Variants in PHIP observed in about 807,000 individuals in gnomAD.
PHIP encodes the protein PHIP subunit of CUL4-Ring ligase complex, also known as PH-interacting protein.
A neutral mutation model predicts 236.8 loss-of-function variants in PHIP; 54 were observed. That is an observed-to-expected ratio of 0.23 (90% CI 0.18 to 0.29). PHIP has a LOEUF of 0.29. PHIP is among the 10% of genes least tolerant of loss of function. The probability of loss-of-function intolerance (pLI) is 1.00; values close to 1 mark genes in which losing one functional copy is unlikely to be tolerated. For synonymous variants in PHIP, 756 were observed against 718.9 expected, an observed-to-expected ratio of 1.05 and a Z score of -0.83; for missense variants, 1,370 against 2,190.8, an observed-to-expected ratio of 0.63 and a Z score of 7.48.
chr6:78,971,675 C>A (rs185875128), intron 24 of PHIP, among the ~76,000 whole-genome samples: 1 of 152,042 alleles, frequency 6.6e-6, no homozygotes, highest in African/African-American at 2.4e-5. Flanking sequence ...GTGCGCGCAC[C>A]GTGTGCGAGC....
At chr6:78,942,311 C>T (rs138363897) in intron 39 of PHIP, among the ~76,000 whole-genome samples, 2,475 of 152,156 alleles carry the variant, frequency 0.016, 64 homozygotes, top group African/African-American at 0.056. Context: ...GGCGAAACCC[C>T]GTCTCTACTA....
intron 20 of PHIP, among the ~76,000 whole-genome samples, chr6:78,989,185 T>A (rs1417606057): frequency 1.3e-5 from 2 of 152,182 alleles, no homozygotes; most frequent in Non-Finnish European, 2.9e-5. Flanking sequence ...GAGGCCAATG[T>A]GGGAGAATCC....
chr6:79,062,849 T>C (rs920706314), intron 4 of PHIP, among the ~76,000 whole-genome samples: 2 of 152,198 alleles, frequency 1.3e-5, no homozygotes, highest in Non-Finnish European at 2.9e-5. Flanking sequence ...TGCTCACCTC[T>C]ACACCTCATT....
In PHIP at chr6:78,935,441, C is replaced by A; in HGVS notation, c.*5252G>T. On this transcript the variant is annotated 3_prime_UTR_variant, in exon 40 of 40. Transcript: ENST00000275034. ...AGGAAAACTGCAATAACCTTCTTTC[C>A]ATCATTCCTTTTTTCCCAGAAATTG... 1.1e-6 allele frequency: 1 copy of A among 915,268 alleles called. No homozygotes were observed. Among genetic ancestry groups the A allele is most frequent in the East Asian group, 1.2e-4 (1 of 8,432 alleles). The allele number at this position is 915,268 out of a possible 1,614,324, so 56.7% of individuals were successfully genotyped here.
intron 19 of PHIP, among the ~76,000 whole-genome samples, chr6:78,996,541 T>C (rs1252122097): frequency 6.6e-6 from 1 of 152,176 alleles, no homozygotes; most frequent in East Asian, 1.9e-4. Flanking sequence ...AACAAGAATC[T>C]AACTAAAAAT....
intron 15 of PHIP, among the ~76,000 whole-genome samples, chr6:79,011,408 GA>G (rs1423304828): frequency 6.6e-6 from 1 of 151,588 alleles, no homozygotes; most frequent in Non-Finnish European, 1.5e-5. Flanking sequence ...ACTTAAAAAA[GA>G]AAAACAACAA....
chr6:79,043,738 G>T (rs942034722), intron 6 of PHIP, among the ~76,000 whole-genome samples: 1 of 151,626 alleles, frequency 6.6e-6, no homozygotes, highest in African/African-American at 2.4e-5. Context: ...TTTCTATACT[G>T]GTAACTTATG....
At chr6:78,989,537 T>A (rs1769081097) in intron 20 of PHIP, among the ~76,000 whole-genome samples, 1 of 151,982 alleles carries the variant, frequency 6.6e-6, no homozygotes, top group Admixed American at 6.6e-5. Flanking sequence ...CCAATTAAAT[T>A]TGGGAAAAAT....
intron 17 of PHIP, among the ~76,000 whole-genome samples, chr6:79,001,090 G>A (rs916277678): frequency 1.3e-5 from 2 of 151,938 alleles, no homozygotes; most frequent in African/African-American, 2.4e-5. Context: ...AGCTTTTGTC[G>A]ATTGAAGTCT....
At chr6:79,064,360 G>A (rs1773520531) in intron 4 of PHIP, among the ~76,000 whole-genome samples, 1 of 151,982 alleles carries the variant, frequency 6.6e-6, no homozygotes. Context: ...CAAATATCCT[G>A]GCTACCCCTT....
Position 78,940,942 on chromosome 6 carries a change from CCTT to C in PHIP, c.5214_5216del (p.Arg1740del). 1 of 1,613,976 alleles carries C rather than the reference CCTT, an allele frequency of 6.2e-7. No individual in the cohort carries two copies. The highest frequency in any genetic ancestry group is 8.5e-7 in the Non-Finnish European group (1 of 1,179,928). On this transcript the variant is annotated inframe_deletion, in exon 40 of 40. Transcript: ENST00000275034. ...CATCTATCTTTTTTCGGTTACTTCT[CCTT>C]AACACTTTGACACTTGCAGGGACTA...
chr6:78,977,077 G>A (rs1477939135), intron 24 of PHIP, among the ~76,000 whole-genome samples: 106 of 134,770 alleles, frequency 7.9e-4, no homozygotes, highest in Non-Finnish European at 8.8e-4. Context: ...ACATGCACAC[G>A]TATGTTTATT....
Position 78,946,765 on chromosome 6 carries a change from T to C in PHIP, c.4316A>G (p.Lys1439Arg). Reference sequence around the variant, plus strand: ...GCTTCTGTTTCTTTTCTTCCTCCTTTTGGTTATGGTATTTCTTTTATGAAA... The same window carrying C: ...GCTTCTGTTTCTTTTCTTCCTCCTTCTGGTTATGGTATTTCTTTTATGAAA... ...LRFHKRNTIT[K>R]RRKKRNRSSS... The change falls in exon 37 of 40, where the codon AAA (lysine) becomes AGA (arginine). Residue 1439 changes from lysine (K) to arginine (R), a missense_variant. Physicochemically the swap from Lys to Arg is conservative, Grantham distance 26. This residue lies in a region of PHIP where 125 missense variants were observed against 235.1 expected (regional missense o/e 0.53). Coordinates refer to ENST00000275034, the MANE Select transcript of PHIP (RefSeq NM_017934.7). The C allele has an allele frequency of 1.9e-6, 3 of 1,591,718 alleles. No homozygotes were observed. The highest frequency in any genetic ancestry group is 2.6e-6 in the Non-Finnish European group (3 of 1,171,782).
chr6:78,964,617 T>C (rs1340064166), intron 29 of PHIP, among the ~76,000 whole-genome samples: 1 of 152,076 alleles, frequency 6.6e-6, no homozygotes, highest in Non-Finnish European at 1.5e-5. Flanking sequence ...CTCAACCTTC[T>C]GAGTAGCTGG....
rs748247534 is a variant in PHIP, at chr6:79,042,944, T to C, written c.499A>G (p.Thr167Ala). ...GKYRLERLVP[T>A]AVYQHMKMHK... ...ATTTTCATGTGCTGATACACTGCAG[T>C]TGGAACAAGTCGCTCAAGTCTGTAT... The change falls in exon 7 of 40, where the codon ACT (threonine) becomes GCT (alanine). Residue 167 changes from threonine to alanine, a missense_variant. By Grantham distance (58) the Thr-to-Ala change is moderately conservative. Coordinates refer to ENST00000275034, the MANE Select transcript of PHIP (RefSeq NM_017934.7). 154 of 1,612,274 alleles carry C rather than the reference T, an allele frequency of 9.6e-5. No homozygotes were observed. The highest frequency in any genetic ancestry group is 1.3e-4 in the Non-Finnish European group (149 of 1,178,764).
At position 78,952,765 on chromosome 6, in the gene PHIP, C is replaced by T. The variant is rs562637784; in HGVS notation, c.4053+2049G>A. Among the ~76,000 whole-genome samples, 5 of 152,088 alleles carry T rather than the reference C, an allele frequency of 3.3e-5. No homozygotes were observed. In the South Asian group the frequency reaches 1.0e-3, roughly 32 times the overall value. On this transcript the variant is annotated intron_variant, in intron 35 of 39. Coordinates refer to ENST00000275034, the MANE Select transcript of PHIP (RefSeq NM_017934.7). ...GATTTTAATATGTCTTCACTCTTTT[C>T]CTCTCAAATAACATATTTTTTCCCT...
chr6:78,973,758 A>G (rs1767805972), intron 24 of PHIP, among the ~76,000 whole-genome samples: 3 of 151,996 alleles, frequency 2.0e-5, no homozygotes, highest in Non-Finnish European at 2.9e-5. Context: ...TTAAACCAAC[A>G]AAGATCAAAA....
chr6:79,066,018 G>T (rs1003390174), intron 4 of PHIP, among the ~76,000 whole-genome samples: 60 of 151,058 alleles, frequency 4.0e-4, no homozygotes, highest in African/African-American at 1.4e-3. Flanking sequence ...TTATTTCACT[G>T]GTAAATAATT....
At chr6:78,991,981 T>C (rs1360621951) in intron 19 of PHIP, among the ~76,000 whole-genome samples, 2 of 151,080 alleles carry the variant, frequency 1.3e-5, no homozygotes, top group African/African-American at 4.9e-5. Flanking sequence ...TTTTTTTTTT[T>C]GAGATGGAGT....
Sources: gnomAD v4.1 joint callset for allele counts (sites outside exome capture counted in the v4.1 genomes callset) on GRCh38, gnomAD v4.1.1 for gene constraint, gnomAD v4.1.1 regional missense constraint, MANE v1.5 for transcripts, NCBI Gene and HGNC (gene_info 2026-07-23, HGNC 2026-07-21) for gene names.